The following SLC9A9 variants were observed in gnomAD, a reference collection of about 807,000 sequenced individuals.
The protein encoded by SLC9A9 is solute carrier family 9 member A9, also known as sodium/hydrogen exchanger 9.
Under a neutral mutation model 77.8 loss-of-function variants are expected in SLC9A9, and 62 were observed. The ratio of observed to expected loss-of-function variants is 0.80; its 90% CI spans 0.65 to 0.98. The LOEUF (loss-of-function observed/expected upper bound fraction) is 0.98, where lower values mean the gene tolerates loss of function less well. Among genes scored for constraint, SLC9A9 ranks in the 50% least tolerant of loss-of-function variants. SLC9A9 has a pLI of 0.00. For synonymous variants in SLC9A9, 320 were observed against 283.5 expected (o/e 1.13, Z -1.29); for missense variants, 775 against 774.9 (o/e 1.00, Z 0.00).
intron 4 of SLC9A9, among the ~76,000 whole-genome samples, chr3:143,731,040 A>G (rs1304281550): frequency 6.6e-6 from 1 of 152,172 alleles, no homozygotes; most frequent in African/African-American, 2.4e-5. Flanking sequence ...CAGAGACACA[A>G]GAGCCTCCAG....
chr3:143,352,595 A>G (rs1487850853), intron 14 of SLC9A9, among the ~76,000 whole-genome samples: 1 of 133,522 alleles, frequency 7.5e-6, no homozygotes, highest in Non-Finnish European at 1.5e-5. Context: ...CTTTTTAGCT[A>G]AAAAACATTC....
chr3:143,826,683 T>C (rs1234290985), intron 2 of SLC9A9, among the ~76,000 whole-genome samples: 1 of 152,202 alleles, frequency 6.6e-6, no homozygotes, highest in Non-Finnish European at 1.5e-5. Context: ...CTTCCACACT[T>C]CAACAAATTG....
chr3:143,749,117 G>T (rs1576700382), intron 4 of SLC9A9, among the ~76,000 whole-genome samples: 2 of 152,206 alleles, frequency 1.3e-5, no homozygotes, highest in Middle Eastern at 6.8e-3. Flanking sequence ...TTTAAAGCAT[G>T]TTTGAAACAT....
At chr3:143,337,342 C>T (rs1176624863) in intron 14 of SLC9A9, among the ~76,000 whole-genome samples, 1 of 152,128 alleles carries the variant, frequency 6.6e-6, no homozygotes, top group Non-Finnish European at 1.5e-5. Flanking sequence ...TGTATTTTGT[C>T]ATGTGTACTC....
chr3:143,348,548 G>A (rs2032363288), intron 14 of SLC9A9, among the ~76,000 whole-genome samples: 1 of 152,156 alleles, frequency 6.6e-6, no homozygotes. Context: ...GTAAAACAGA[G>A]GGCTAGGCAT....
chr3:143,716,322 C>A (rs1934350722), intron 4 of SLC9A9, among the ~76,000 whole-genome samples: 1 of 152,142 alleles, frequency 6.6e-6, no homozygotes, highest in Non-Finnish European at 1.5e-5. Context: ...AATTCTCCCA[C>A]CTCAGCCTCC....
chr3:143,366,704 A>G (rs888300401), intron 13 of SLC9A9, among the ~76,000 whole-genome samples: 2 of 152,204 alleles, frequency 1.3e-5, no homozygotes, highest in Non-Finnish European at 1.5e-5. Flanking sequence ...TAATTATTTG[A>G]TGAAGTGTGG....
At chr3:143,356,101 T>A (rs1400955588) in intron 14 of SLC9A9, among the ~76,000 whole-genome samples, 4 of 152,186 alleles carry the variant, frequency 2.6e-5, no homozygotes, top group Non-Finnish European at 4.4e-5. Context: ...TATTTTATAA[T>A]CATAGTGGGG....
intron 6 of SLC9A9, among the ~76,000 whole-genome samples, chr3:143,599,543 A>G (rs975585762): frequency 1.3e-5 from 2 of 152,138 alleles, no homozygotes; most frequent in African/African-American, 4.8e-5. Flanking sequence ...GAGCACAACA[A>G]TTGCCTGTGT....
intron 9 of SLC9A9, among the ~76,000 whole-genome samples, chr3:143,514,894 A>C (rs374823664): frequency 1.3e-5 from 2 of 152,138 alleles, no homozygotes; most frequent in African/African-American, 4.8e-5. Context: ...GTAGCATTTT[A>C]AATTTATTTA....
At chr3:143,690,956 CAA>C (rs1433693669) in intron 5 of SLC9A9, among the ~76,000 whole-genome samples, 1 of 152,050 alleles carries the variant, frequency 6.6e-6, no homozygotes, top group East Asian at 1.9e-4. Flanking sequence ...CTGGCTTAAG[CAA>C]AAACCATCAA....
intron 12 of SLC9A9, among the ~76,000 whole-genome samples, chr3:143,390,865 G>A (rs1017234284): frequency 2.0e-5 from 3 of 152,240 alleles, no homozygotes; most frequent in African/African-American, 4.8e-5. Context: ...AGCACAGCAG[G>A]CTGAGATTGA....
intron 7 of SLC9A9, among the ~76,000 whole-genome samples, chr3:143,578,255 T>A (rs909893988): frequency 8.5e-5 from 13 of 152,200 alleles, no homozygotes; most frequent in Non-Finnish European, 1.0e-4. Flanking sequence ...TTCTTCCTCT[T>A]GACCCTAGTA....
At chr3:143,706,395 GA>G (rs1283427751) in intron 4 of SLC9A9, among the ~76,000 whole-genome samples, 5 of 152,154 alleles carry the variant, frequency 3.3e-5, no homozygotes, top group African/African-American at 4.8e-5. Context: ...CCCTGTTGTA[GA>G]TAAAGCAGGT....
At chr3:143,685,508 A>G (rs1419561941) in intron 5 of SLC9A9, among the ~76,000 whole-genome samples, 1 of 152,168 alleles carries the variant, frequency 6.6e-6, no homozygotes, top group Admixed American at 6.6e-5. Flanking sequence ...ATACTTCTGG[A>G]GCTCAAAATA....
intron 9 of SLC9A9, among the ~76,000 whole-genome samples, chr3:143,549,898 A>G (rs1244888716): frequency 6.6e-6 from 1 of 152,250 alleles, no homozygotes; most frequent in African/African-American, 2.4e-5. Flanking sequence ...CCCTAGGGAA[A>G]GCTAGTAGTA....
chr3:143,319,261 C>T (rs1476798936), intron 14 of SLC9A9, among the ~76,000 whole-genome samples: 1 of 152,212 alleles, frequency 6.6e-6, no homozygotes, highest in African/African-American at 2.4e-5. Context: ...GCGCCCCAAA[C>T]AGCCAGGACA....
At chr3:143,423,387 A>G (rs767152427) in intron 12 of SLC9A9, among the ~76,000 whole-genome samples, 1 of 152,136 alleles carries the variant, frequency 6.6e-6, no homozygotes, top group Non-Finnish European at 1.5e-5. Context: ...CTTCATGTAA[A>G]GGAACCAGGG....
chr3:143,267,595 C>T (rs939886749), intron 15 of SLC9A9, among the ~76,000 whole-genome samples: 11 of 152,086 alleles, frequency 7.2e-5, no homozygotes, highest in African/African-American at 9.7e-5. Flanking sequence ...GCAAGTGATC[C>T]ATTCACTTTG....
Sources: gnomAD v4.1 joint callset for allele counts (sites outside exome capture counted in the v4.1 genomes callset) on GRCh38, gnomAD v4.1.1 for gene constraint, MANE v1.5 for transcripts, NCBI Gene and HGNC (gene_info 2026-07-23, HGNC 2026-07-21) for gene names.